Variants in FOXP1 observed in about 807,000 individuals in gnomAD.
FOXP1 encodes forkhead box protein P1.
In FOXP1, 15 loss-of-function variants were observed where a neutral mutation model predicts 98.2. The ratio of observed to expected loss-of-function variants is 0.15; its 90% confidence interval spans 0.10 to 0.24. FOXP1 has a LOEUF of 0.24. Among genes scored for constraint, FOXP1 ranks in the 10% least tolerant of loss-of-function variants. The probability of loss-of-function intolerance (pLI) is 1.00; values close to 1 mark genes in which losing one functional copy is unlikely to be tolerated. For synonymous variants in FOXP1, 371 were observed against 314.5 expected (o/e 1.18, Z -1.90); for missense variants, 633 against 848.5 (o/e 0.75, Z 3.15).
At chr3:70,970,871 T>C (rs2036080582) in intron 18 of FOXP1, 66 bp from the exon 19 acceptor site, 1 of 1,301,736 alleles carries the variant, frequency 7.7e-7, no homozygotes, top group East Asian at 2.3e-5. Flanking sequence ...TAGCTAAGTT[T>C]TGTTTTAAGC....
Position 71,183,758 on chromosome 3 carries a change from C to T in FOXP1, c.180+14444G>A, listed in dbSNP as rs544413303. Among the ~76,000 whole-genome samples, 9 of 152,280 alleles carry T rather than the reference C, an allele frequency of 5.9e-5. No individual in the cohort carries two copies. In the South Asian group the frequency reaches 1.7e-3, roughly 28 times the overall value. On this transcript the variant is annotated intron_variant, in intron 6 of 20. Transcript: ENST00000649528. ...ACTCTGCCAGTGGTTCTTCAACTGG[C>T]AGCAAAGAAGAGCTAGAAATAGATA...
chr3:71,040,566 T>C (rs1182602533), intron 11 of FOXP1, among the ~76,000 whole-genome samples: 1 of 152,202 alleles, frequency 6.6e-6, no homozygotes, highest in Non-Finnish European at 1.5e-5. Context: ...TTCTTAGAAC[T>C]GCATGCTAAC....
rs1367829173 is a variant in FOXP1 at position 70,958,026 on chromosome 3, C to G, written c.*1221G>C. ...GGCCATTTTGCAAACAAAACCAACC[C>G]ACACCCGTTATCGCAGAGCACCCAA... On this transcript the variant is annotated 3_prime_UTR_variant, in exon 21 of 21. Coordinates refer to ENST00000649528, the MANE Select transcript of FOXP1 (RefSeq NM_001349338.3). 4.0e-6 allele frequency: 1 copy of G among 247,352 alleles called. No individual in the cohort carries two copies. Among genetic ancestry groups the G allele is most frequent in the Admixed American group, 5.3e-5 (1 of 18,820 alleles). 15.3% of individuals were successfully genotyped at this position (247,352 alleles called of 1,614,324 possible). A position where few individuals can be genotyped will look rare whatever the true frequency, so the allele number is the denominator to read the frequency against.
chr3:70,990,899 T>C (rs1160237008), intron 13 of FOXP1, among the ~76,000 whole-genome samples: 2 of 152,150 alleles, frequency 1.3e-5, no homozygotes, highest in Admixed American at 1.3e-4. Context: ...ACTCAGCACA[T>C]TATGTAACCT....
intron 2 of FOXP1, among the ~76,000 whole-genome samples, chr3:71,566,513 G>A (rs1005838405): frequency 6.6e-6 from 1 of 152,194 alleles, no homozygotes; most frequent in Non-Finnish European, 1.5e-5. Context: ...TCCAGTCCCT[G>A]TAGTGTGAAA....
chr3:71,480,514 T>G (rs1325394608), intron 3 of FOXP1, among the ~76,000 whole-genome samples: 5 of 152,166 alleles, frequency 3.3e-5, no homozygotes, highest in African/African-American at 1.2e-4. Context: ...ATGGAGATAG[T>G]TTTGTCAAAA....
At chr3:71,019,830 C>T (rs768163760) in intron 11 of FOXP1, among the ~76,000 whole-genome samples, 3 of 129,514 alleles carry the variant, frequency 2.3e-5, no homozygotes, top group African/African-American at 4.3e-5. Flanking sequence ...GAGCGAGACA[C>T]GGTCCCCCCC....
chr3:71,459,284 C>G (rs1326278533), intron 3 of FOXP1, among the ~76,000 whole-genome samples: 1 of 152,146 alleles, frequency 6.6e-6, no homozygotes, highest in Non-Finnish European at 1.5e-5. Context: ...CTCTGGATTG[C>G]AAGAAGCACA....
At chr3:71,061,045 C>T (rs1375334446) in intron 7 of FOXP1, among the ~76,000 whole-genome samples, 4 of 151,942 alleles carry the variant, frequency 2.6e-5, no homozygotes, top group Non-Finnish European at 5.9e-5. Context: ...TCAGATAATT[C>T]AAGTCTCCAC....
At chr3:71,221,355 G>A (rs1398469857) in intron 5 of FOXP1, among the ~76,000 whole-genome samples, 1 of 152,204 alleles carries the variant, frequency 6.6e-6, no homozygotes, top group Non-Finnish European at 1.5e-5. Context: ...CCAGGGTAGA[G>A]TCTTGGAGAG....
chr3:71,158,956 A>G (rs1259886384), intron 6 of FOXP1, among the ~76,000 whole-genome samples: 3 of 151,988 alleles, frequency 2.0e-5, no homozygotes, highest in Non-Finnish European at 4.4e-5. Flanking sequence ...CAATACAAAA[A>G]TGATCTGGGC....
chr3:71,497,651 C>A lies in FOXP1; in HGVS notation c.-297-4096G>T, dbSNP rs999345368. ...CTGCTGTTCTACCCAACAGATACCC[C>A]AGGTAACTCTGATAAAGATCTGAAG... On this transcript the variant is annotated intron_variant, in intron 2 of 20. Coordinates refer to ENST00000649528, the MANE Select transcript of FOXP1 (RefSeq NM_001349338.3). Among the ~76,000 whole-genome samples the A allele has an allele frequency of 2.6e-4, 39 of 152,154 alleles. 1 individual carries two copies. Among genetic ancestry groups the A allele is most frequent in the Non-Finnish European group, 1.5e-5 (1 of 68,034 alleles).
chr3:71,137,643 T>C (rs539153138), intron 6 of FOXP1, among the ~76,000 whole-genome samples: 1 of 152,268 alleles, frequency 6.6e-6, no homozygotes, highest in Admixed American at 6.5e-5. Flanking sequence ...CGATGTCCAA[T>C]GCCAGCAGTG....
intron 7 of FOXP1, 66 bp downstream of exon 7, chr3:71,112,470 T>C (rs772409125): frequency 7.9e-5 from 100 of 1,260,470 alleles, no homozygotes; most frequent in Non-Finnish European, 1.0e-4. Context: ...CACAATCCAC[T>C]CCTGAACTGC....
At chr3:71,139,889 C>T (rs1053064561) in intron 6 of FOXP1, among the ~76,000 whole-genome samples, 1 of 152,030 alleles carries the variant, frequency 6.6e-6, no homozygotes, top group Non-Finnish European at 1.5e-5. Context: ...CAATAAAATG[C>T]TAACTGGAGT....
chr3:71,234,324 A>T (rs373976219), intron 5 of FOXP1, among the ~76,000 whole-genome samples: 1 of 152,246 alleles, frequency 6.6e-6, no homozygotes. Flanking sequence ...AATTAATCCA[A>T]TCAGCACACT....
At chr3:71,116,029 T>C (rs2058352796) in intron 6 of FOXP1, among the ~76,000 whole-genome samples, 1 of 152,160 alleles carries the variant, frequency 6.6e-6, no homozygotes, top group African/African-American at 2.4e-5. Context: ...AGCCACCGTG[T>C]CCGGCCATCA....
intron 3 of FOXP1, among the ~76,000 whole-genome samples, chr3:71,426,499 A>T (rs2084168522): frequency 6.6e-6 from 1 of 152,196 alleles, no homozygotes; most frequent in African/African-American, 2.4e-5. Flanking sequence ...AGTAGAGATG[A>T]ACCCAGCTGA....
At chr3:71,352,126 C>G (rs138940537) in intron 4 of FOXP1, among the ~76,000 whole-genome samples, 208 of 152,122 alleles carry the variant, frequency 1.4e-3, no homozygotes, top group African/African-American at 4.9e-3. Flanking sequence ...GTCGATAACC[C>G]CAAGAATATG....
Sources: gnomAD v4.1 joint callset for allele counts (sites outside exome capture counted in the v4.1 genomes callset) on GRCh38, gnomAD v4.1.1 for gene constraint, MANE v1.5 for transcripts, NCBI Gene and HGNC (gene_info 2026-07-23, HGNC 2026-07-21) for gene names.